Variants in DMD observed in about 807,000 individuals in gnomAD.
DMD encodes dystrophin, also known as mutant dystrophin.
Under a neutral mutation model 330.1 loss-of-function variants are expected in DMD, and 63 were observed. The observed-to-expected ratio is 0.19, with a 90% confidence interval of 0.16 to 0.24. DMD has a LOEUF of 0.24. DMD is among the 10% of genes least tolerant of loss of function. DMD has a pLI of 1.00. For synonymous variants in DMD, 1,223 were observed against 959.8 expected, an observed-to-expected ratio of 1.27 and a Z score of -5.07; for missense variants, 3,344 against 2,684.1, an observed-to-expected ratio of 1.25 and a Z score of -5.43.
At chrX:33,218,191 T>C (rs2052093456) in intron 1 of DMD, among the ~76,000 whole-genome samples, 1 of 111,737 alleles carries the variant, frequency 8.9e-6, no homozygotes, top group South Asian at 3.7e-4. Context: ...TCAATTGATA[T>C]GATCAAGTGA....
intron 2 of DMD, among the ~76,000 whole-genome samples, chrX:32,966,972 A>T (rs761286148): frequency 8.9e-6 from 1 of 112,109 alleles, no homozygotes; most frequent in African/African-American, 3.2e-5. Flanking sequence ...ACTACCCATG[A>T]TTACACAGGT....
At chrX:33,128,773 T>C (rs1651777558) in intron 1 of DMD, among the ~76,000 whole-genome samples, 1 of 111,833 alleles carries the variant, frequency 8.9e-6, no homozygotes, top group African/African-American at 3.3e-5. Flanking sequence ...GAGAAGAAAA[T>C]AACTCTAAAA....
chrX:32,010,549 A>G (rs1386337622), intron 44 of DMD, among the ~76,000 whole-genome samples: 1 of 111,873 alleles, frequency 8.9e-6, no homozygotes, highest in Non-Finnish European at 1.9e-5. Flanking sequence ...CTTTTGCTGA[A>G]GTCATTCTGA....
intron 2 of DMD, among the ~76,000 whole-genome samples, chrX:32,902,940 C>T (rs182807414): frequency 0.011 from 1,213 of 108,001 alleles, 43 homozygotes; most frequent in African/African-American, 0.035. Context: ...GTGGATCACC[C>T]GAGGTCAGGA....
chrX:33,140,539 T>C (rs1792388341), intron 1 of DMD, among the ~76,000 whole-genome samples: 1 of 112,534 alleles, frequency 8.9e-6, no homozygotes, highest in African/African-American at 3.2e-5. Flanking sequence ...AATCCCTCCA[T>C]TTTCTGATTC....
intron 55 of DMD, among the ~76,000 whole-genome samples, chrX:31,594,576 G>C (rs948588530): frequency 9.0e-6 from 1 of 111,507 alleles, no homozygotes; most frequent in East Asian, 2.8e-4. Flanking sequence ...AATTTTGATA[G>C]TTTGGTTACT....
intron 46 of DMD, among the ~76,000 whole-genome samples, chrX:31,930,027 T>C (rs780555180): frequency 9.0e-6 from 1 of 111,305 alleles, no homozygotes; most frequent in African/African-American, 3.3e-5. Context: ...CAAATAAAGT[T>C]AGTGTCTGAA....
intron 44 of DMD, among the ~76,000 whole-genome samples, chrX:32,097,320 A>T (rs2096514917): frequency 9.0e-6 from 1 of 110,716 alleles, no homozygotes; most frequent in African/African-American, 3.3e-5. Context: ...CTCATTGCTC[A>T]ACTCCCAATT....
At chrX:32,412,073 G>A (rs367741501) in intron 29 of DMD, 160 bp from the exon 30 acceptor site, 12 of 1,175,718 alleles carry the variant, frequency 1.0e-5, no homozygotes, top group African/African-American at 1.8e-5. Context: ...TCTGTTGATA[G>A]AAAAAAAATG....
intron 55 of DMD, among the ~76,000 whole-genome samples, chrX:31,626,164 T>C (rs1260746487): frequency 9.5e-6 from 1 of 105,406 alleles, no homozygotes; most frequent in African/African-American, 3.5e-5. Context: ...TTTGTATTTT[T>C]AGTAGAGATG....
chrX:31,417,609 T>A (rs1006143267), intron 60 of DMD, among the ~76,000 whole-genome samples: 8 of 111,949 alleles, frequency 7.1e-5, no homozygotes, highest in African/African-American at 2.6e-4. Flanking sequence ...AAGAAATACG[T>A]AAATAATATG....
chrX:31,673,028 T>C (rs1256454372), intron 53 of DMD, among the ~76,000 whole-genome samples: 1 of 112,377 alleles, frequency 8.9e-6, no homozygotes, highest in Non-Finnish European at 1.9e-5. Context: ...AGGCCATGTA[T>C]ATAGGTTTAT....
At chrX:32,406,613 A>T (rs2098118332) in intron 30 of DMD, among the ~76,000 whole-genome samples, 1 of 111,177 alleles carries the variant, frequency 9.0e-6, no homozygotes, top group Admixed American at 9.6e-5. Flanking sequence ...CCACTTGGTC[A>T]TGGTGCATAA....
chrX:32,345,599 T>C (rs1362416598), intron 39 of DMD, among the ~76,000 whole-genome samples: 1 of 111,181 alleles, frequency 9.0e-6, no homozygotes, highest in Non-Finnish European at 1.9e-5. Context: ...AATGGATACA[T>C]GTAGATCGGT....
rs1411119059 is a variant in DMD at position 31,119,673 on chromosome X, T to C, written c.*2246A>G. 1.8e-5 allele frequency: 2 copies of C among 111,845 alleles called. No homozygotes were observed. The highest frequency in any genetic ancestry group is 6.5e-5 in the African/African-American group (2 of 30,853). The allele number at this position is 111,845 out of a possible 1,213,427, so 9.2% of individuals were successfully genotyped here. ...TATGCACTCTATTTACCTCTGATTT[T>C]AGAATGAAACTTACTTACTTAAACT... On this transcript the variant is annotated 3_prime_UTR_variant, in exon 79 of 79. Transcript: ENST00000357033.
At chrX:32,443,234 C>G (rs1302221381) in intron 27 of DMD, among the ~76,000 whole-genome samples, 1 of 110,750 alleles carries the variant, frequency 9.0e-6, no homozygotes. Flanking sequence ...TCAGATTTCC[C>G]AAAGTTCTCT....
At chrX:31,244,178 G>T (rs1456960485) in intron 63 of DMD, among the ~76,000 whole-genome samples, 1 of 112,108 alleles carries the variant, frequency 8.9e-6, no homozygotes, top group East Asian at 2.8e-4. Context: ...AAAATTGCTT[G>T]CTAAGAAGGG....
chrX:33,115,015 T>C (rs1338678825), intron 1 of DMD, among the ~76,000 whole-genome samples: 1 of 112,375 alleles, frequency 8.9e-6, no homozygotes, highest in Non-Finnish European at 1.9e-5. Flanking sequence ...CATTTAAATA[T>C]TCAGAAATTG....
chrX:32,407,514 C>T (rs1389419027), intron 30 of DMD, among the ~76,000 whole-genome samples: 1 of 111,119 alleles, frequency 9.0e-6, no homozygotes, highest in African/African-American at 3.3e-5. Context: ...AACACTTTTA[C>T]ACTGTTGGTG....
Sources: gnomAD v4.1 joint callset for allele counts (sites outside exome capture counted in the v4.1 genomes callset) on GRCh38, gnomAD v4.1.1 for gene constraint, MANE v1.5 for transcripts, NCBI Gene and HGNC (gene_info 2026-07-23, HGNC 2026-07-21) for gene names.